Variants in RSU1 observed in about 807,000 individuals in gnomAD.
The protein encoded by RSU1 is Ras suppressor protein 1.
Under a neutral mutation model 31.1 loss-of-function variants are expected in RSU1, and 26 were observed. The ratio of observed to expected loss-of-function variants is 0.84; its 90% confidence interval spans 0.61 to 1.16. The LOEUF is 1.16. RSU1 is among the 50% of genes most tolerant of loss of function. The probability of loss-of-function intolerance (pLI) is 0.00; values close to 1 mark genes in which losing one functional copy is unlikely to be tolerated. For synonymous variants in RSU1, 164 were observed against 136.3 expected, an observed-to-expected ratio of 1.20 and a Z score of -1.41; for missense variants, 320 against 339.1, an observed-to-expected ratio of 0.94 and a Z score of 0.44.
At chr10:16,803,794 C>T (rs761478228) in intron 2 of RSU1, among the ~76,000 whole-genome samples, 7 of 152,142 alleles carry the variant, frequency 4.6e-5, no homozygotes, top group Non-Finnish European at 1.0e-4. Flanking sequence ...AAAAATCAAT[C>T]TAGACAAAGA....
chr10:16,798,575 A>G (rs1414580248), intron 2 of RSU1, among the ~76,000 whole-genome samples: 1 of 152,164 alleles, frequency 6.6e-6, no homozygotes, highest in Non-Finnish European at 1.5e-5. Flanking sequence ...CCCTTCCGCC[A>G]TGATTGTAAG....
In RSU1 at chr10:16,601,424, C is replaced by T. The variant is rs185056188; in HGVS notation, c.732-7928G>A. 6.6e-5 allele frequency among the ~76,000 whole-genome samples: 10 copies of T among 152,338 alleles called. No homozygotes were observed. The East Asian group carries it at 1.5e-3, about 23-fold the overall frequency. On this transcript the variant is annotated intron_variant, in intron 8 of 8. Transcript: ENST00000345264. ...TTCGGCAGAAAGGGACCACAGTTTT[C>T]ATCAGCTCCTCAAAGGGCCCATAAC...
rs1256051191 is a variant in RSU1 at position 16,782,099 on chromosome 10, A to G, written c.110-15T>C. The G allele has an allele frequency of 1.9e-6, 3 of 1,592,492 alleles. No homozygotes were observed. Among genetic ancestry groups the G allele is most frequent in the South Asian group, 1.1e-5 (1 of 89,104 alleles). On this transcript the variant is annotated splice_polypyrimidine_tract_variant and intron_variant, in intron 2 of 8. Transcript: ENST00000345264. ...GGATAAGGTAACTAAAAAGAAAAGA[A>G]AAAAAAAAAGGTCAGTCAGTAAATG...
At chr10:16,710,576 C>G (rs1052570019) in intron 7 of RSU1, among the ~76,000 whole-genome samples, 1 of 151,030 alleles carries the variant, frequency 6.6e-6, no homozygotes, top group African/African-American at 2.5e-5. Context: ...TTGAGGAGAA[C>G]TGTTATTAGT....
At chr10:16,659,933 C>T (rs528870545) in intron 8 of RSU1, among the ~76,000 whole-genome samples, 1 of 152,282 alleles carries the variant, frequency 6.6e-6, no homozygotes, top group African/African-American at 2.4e-5. Context: ...TGAAACGTCT[C>T]AGTCTTAAAT....
rs74363947 is a variant in RSU1, at chr10:16,642,509, T to G, written c.732-49013A>C. On this transcript the variant is annotated intron_variant, in intron 8 of 8. Transcript: ENST00000345264. ...GCTGCATGCTGGGGGAAGAGCCACT[T>G]TCGTCTTAAGTTTTTTGGCCATTAA... Among the ~76,000 whole-genome samples, 578 of 152,306 alleles carry G rather than the reference T, an allele frequency of 3.8e-3. 5 individuals carry two copies. The highest frequency in any genetic ancestry group is 0.013 in the African/African-American group (556 of 41,558).
At chr10:16,646,205 C>T (rs1377601370) in intron 8 of RSU1, among the ~76,000 whole-genome samples, 1 of 151,466 alleles carries the variant, frequency 6.6e-6, no homozygotes, top group Non-Finnish European at 1.5e-5. Context: ...TTGTGATATC[C>T]CACCCCTTCT....
At chr10:16,749,833 G>C (rs1836938034) in intron 7 of RSU1, among the ~76,000 whole-genome samples, 1 of 152,186 alleles carries the variant, frequency 6.6e-6, no homozygotes, top group African/African-American at 2.4e-5. Flanking sequence ...GCCTTTTCGG[G>C]AGAGTGTGCT....
chr10:16,721,374 C>G (rs1836258328), intron 7 of RSU1: 1 of 152,234 alleles, frequency 6.6e-6, no homozygotes, highest in African/African-American at 2.4e-5. Context: ...CATGAGCTGC[C>G]TTTCTGGCTG....
At chr10:16,700,367 T>C (rs1835765861) in intron 7 of RSU1, among the ~76,000 whole-genome samples, 3 of 152,158 alleles carry the variant, frequency 2.0e-5, no homozygotes, top group African/African-American at 7.2e-5. Context: ...TGATTGGGTA[T>C]AGCCCATCAT....
chr10:16,646,644 A>G (rs79856389), intron 8 of RSU1, among the ~76,000 whole-genome samples: 3,071 of 152,312 alleles, frequency 0.02, 58 homozygotes, highest in East Asian at 0.065. Context: ...AGCTCCTTCC[A>G]GCTCCAGGGG....
intron 8 of RSU1, among the ~76,000 whole-genome samples, chr10:16,615,453 C>G (rs764318543): frequency 2.6e-5 from 4 of 152,172 alleles, no homozygotes; most frequent in Non-Finnish European, 5.9e-5. Flanking sequence ...TAACACCCCA[C>G]TGTCCATACT....
At chr10:16,605,890 C>T (rs973873638) in intron 8 of RSU1, among the ~76,000 whole-genome samples, 1 of 152,206 alleles carries the variant, frequency 6.6e-6, no homozygotes, top group African/African-American at 2.4e-5. Context: ...TAGCCTCCAC[C>T]TCTTGAGCTC....
chr10:16,662,076 T>G (rs1054217473), intron 8 of RSU1, among the ~76,000 whole-genome samples: 1 of 152,228 alleles, frequency 6.6e-6, no homozygotes, highest in African/African-American at 2.4e-5. Flanking sequence ...CAAGTGCCTT[T>G]TAGAGATGGT....
At chr10:16,758,611 A>G (rs1837143287) in intron 4 of RSU1, among the ~76,000 whole-genome samples, 1 of 152,214 alleles carries the variant, frequency 6.6e-6, no homozygotes, top group Admixed American at 6.5e-5. Flanking sequence ...TGAGGCTGAC[A>G]ACACCTTCAG....
At chr10:16,708,300 A>G (rs1835945573) in intron 7 of RSU1, among the ~76,000 whole-genome samples, 1 of 152,210 alleles carries the variant, frequency 6.6e-6, no homozygotes, top group Non-Finnish European at 1.5e-5. Flanking sequence ...AACATAAGGA[A>G]GAGTAAATAT....
intron 8 of RSU1, among the ~76,000 whole-genome samples, chr10:16,694,540 T>C (rs116135047): frequency 0.026 from 3,894 of 152,186 alleles, 169 homozygotes; most frequent in African/African-American, 0.089. Flanking sequence ...AAAAACAATT[T>C]ACAAATAGAG....
chr10:16,791,225 C>T (rs1035923201), intron 2 of RSU1, among the ~76,000 whole-genome samples: 3 of 152,072 alleles, frequency 2.0e-5, no homozygotes, highest in African/African-American at 7.2e-5. Context: ...CAGGGTTTCA[C>T]CATGTTGGCC....
At chr10:16,681,648 CA>C (rs1366338810) in intron 8 of RSU1, among the ~76,000 whole-genome samples, 1 of 152,016 alleles carries the variant, frequency 6.6e-6, no homozygotes, top group African/African-American at 2.4e-5. Context: ...GGACGACCCT[CA>C]GAGATGATCT....
Sources: allele counts gnomAD v4.1 joint callset (sites outside exome capture counted in the v4.1 genomes callset), GRCh38; gene constraint gnomAD v4.1.1; transcripts MANE v1.5; gene names NCBI Gene and HGNC (gene_info 2026-07-23, HGNC 2026-07-21).